The following DGKH variants were observed in gnomAD, a reference collection of about 807,000 sequenced individuals.
DGKH encodes the protein diacylglycerol kinase eta, also known as DAG kinase eta.
DGKH carries 90 observed loss-of-function variants against 159.3 expected under a neutral mutation model. The observed-to-expected ratio is 0.57, with a 90% CI of 0.48 to 0.67. DGKH has a LOEUF of 0.67. DGKH is among the 30% of genes least tolerant of loss of function. The pLI, the probability that DGKH is intolerant of heterozygous loss-of-function variation, is 0.00. For synonymous variants in DGKH, 536 were observed against 553.8 expected, an observed-to-expected ratio of 0.97 and a Z score of 0.45; for missense variants, 1,181 against 1,506.1, an observed-to-expected ratio of 0.78 and a Z score of 3.57.
At chr13:42,169,978 A>G (rs577976590) in intron 11 of DGKH, among the ~76,000 whole-genome samples, 20 of 152,346 alleles carry the variant, frequency 1.3e-4, no homozygotes, top group African/African-American at 3.8e-4. Context: ...TGTTGTATAT[A>G]TATCCAAACA....
chr13:42,079,922 T>C lies in DGKH; in HGVS notation c.192+30957T>C, dbSNP rs199554019. ...TTCTTTGAGGTTTGAAAATGTCTGC[T>C]TGTTGTTTTTAATACACAAATAACT... On this transcript the variant is annotated intron_variant, in intron 1 of 29. Transcript: ENST00000337343. 9.1e-4 allele frequency among the ~76,000 whole-genome samples: 138 copies of C among 152,322 alleles called. No individual in the cohort carries two copies. The Middle Eastern group carries it at 0.01, about 11-fold the overall frequency.
chr13:42,142,512 T>G (rs1404508589), intron 3 of DGKH, among the ~76,000 whole-genome samples: 2 of 151,806 alleles, frequency 1.3e-5, no homozygotes, highest in African/African-American at 4.8e-5. Flanking sequence ...ATGATATTGA[T>G]TCTTCCTACC....
chr13:42,179,303 C>T (rs191332653), intron 13 of DGKH, among the ~76,000 whole-genome samples: 49 of 152,304 alleles, frequency 3.2e-4, no homozygotes, highest in Admixed American at 3.1e-3. Flanking sequence ...TCCTTACAAT[C>T]ATGCAACTAA....
intron 3 of DGKH, among the ~76,000 whole-genome samples, chr13:42,137,225 G>A (rs755295588): frequency 9.9e-5 from 15 of 152,100 alleles, no homozygotes; most frequent in Non-Finnish European, 1.9e-4. Context: ...ATAACTAAAA[G>A]CTACTTTCTT....
intron 3 of DGKH, among the ~76,000 whole-genome samples, chr13:42,136,354 T>C (rs752637289): frequency 6.6e-6 from 1 of 150,796 alleles, no homozygotes; most frequent in Non-Finnish European, 1.5e-5. Context: ...TTAATAACTA[T>C]GACTGGGAAT....
intron 1 of DGKH, among the ~76,000 whole-genome samples, chr13:42,119,142 C>G (rs1402404577): frequency 6.6e-6 from 1 of 152,176 alleles, no homozygotes; most frequent in African/African-American, 2.4e-5. Context: ...TACGGTGATG[C>G]AGCTCATCAT....
At chr13:42,244,327 T>A (rs762016514), downstream of DGKH, among the ~76,000 whole-genome samples, 1 of 152,154 alleles carries the variant, frequency 6.6e-6, no homozygotes, top group Non-Finnish European at 1.5e-5. Context: ...GGGGGCGCTC[T>A]CCCGATGGTG....
intron 1 of DGKH, among the ~76,000 whole-genome samples, chr13:42,108,675 G>A (rs533929389): frequency 6.6e-6 from 1 of 152,288 alleles, no homozygotes; most frequent in East Asian, 1.9e-4. Context: ...GAGTGAAAAT[G>A]AGAATAAATA....
chr13:42,244,402 G>A (rs1009415638), downstream of DGKH, among the ~76,000 whole-genome samples: 88 of 152,214 alleles, frequency 5.8e-4, no homozygotes, highest in African/African-American at 2.0e-3. Flanking sequence ...GCCAGGGTGA[G>A]AACCAGTGCC....
intron 16 of DGKH, among the ~76,000 whole-genome samples, chr13:42,194,018 G>A (rs1431843357): frequency 1.3e-5 from 2 of 152,150 alleles, no homozygotes; most frequent in South Asian, 2.1e-4. Flanking sequence ...TTTTTTAAAT[G>A]TATTGAGCTT....
chr13:42,129,686 T>C, intron 3 of DGKH, 54 bp downstream of exon 3: 2 of 1,510,858 alleles, frequency 1.3e-6, no homozygotes, highest in Non-Finnish European at 9.1e-7. Flanking sequence ...TGACCTTTCT[T>C]AAGCGTGTAC....
intron 1 of DGKH, among the ~76,000 whole-genome samples, chr13:42,119,773 A>G (rs1312299990): frequency 6.6e-6 from 1 of 152,172 alleles, no homozygotes; most frequent in East Asian, 1.9e-4. Context: ...TTGTTTTGCC[A>G]TGTAATCTGT....
chr13:42,212,511 A>G (rs1957680632), intron 24 of DGKH, among the ~76,000 whole-genome samples: 1 of 152,182 alleles, frequency 6.6e-6, no homozygotes, highest in Admixed American at 6.5e-5. Context: ...TTGAAACCAA[A>G]ATATACTTCC....
intron 29 of DGKH, among the ~76,000 whole-genome samples, chr13:42,226,004 G>C (rs1001204889): frequency 6.6e-6 from 1 of 151,876 alleles, no homozygotes; most frequent in East Asian, 1.9e-4. Context: ...TAATCAGAGC[G>C]AACAGACAAC....
chr13:42,047,442 T>A (rs1880867192), upstream of DGKH, among the ~76,000 whole-genome samples: 1 of 152,244 alleles, frequency 6.6e-6, no homozygotes, highest in Non-Finnish European at 1.5e-5. Flanking sequence ...GAATGCTTTC[T>A]CCAGGTGGAG....
Position 42,194,926 on chromosome 13 carries a change from G to A in DGKH, c.2077G>A (p.Gly693Ser). ...PRSPDARASY[G>S]HSQTDSVPGP... ...GTCTCCAGATGCCCGGGCAAGTTAT[G>A]GCCATTCCCAAACTGATTCTGTCCC... Residue 693 changes from glycine to serine, a missense_variant, in exon 17 of 30, where the codon GGC becomes AGC. Physicochemically the swap from Gly to Ser is moderately conservative, Grantham distance 56. Around this residue, in one of 5 missense-constraint regions of DGKH, gnomAD observed 257 missense variants for 281.5 expected, o/e 0.91. Coordinates refer to ENST00000337343, the MANE Select transcript of DGKH (RefSeq NM_178009.5). 3 of 1,613,946 alleles carry A rather than the reference G, an allele frequency of 1.9e-6. No homozygotes were observed. The highest frequency in any genetic ancestry group is 2.5e-6 in the Non-Finnish European group (3 of 1,179,918).
intron 1 of DGKH, among the ~76,000 whole-genome samples, chr13:42,055,835 CTA>C (rs1881716936): frequency 6.6e-6 from 1 of 152,196 alleles, no homozygotes; most frequent in Non-Finnish European, 1.5e-5. Context: ...GTATTTTACT[CTA>C]TGACTATTTA....
chr13:42,082,187 G>A (rs75084992), intron 1 of DGKH, among the ~76,000 whole-genome samples: 288 of 151,876 alleles, frequency 1.9e-3, no homozygotes, highest in Middle Eastern at 6.8e-3. Context: ...CTCATGAGGA[G>A]ACCTGCATTA....
intron 1 of DGKH, among the ~76,000 whole-genome samples, chr13:42,051,141 C>T (rs1881262845): frequency 6.6e-6 from 1 of 152,202 alleles, no homozygotes; most frequent in Non-Finnish European, 1.5e-5. Context: ...TTCTATCTGA[C>T]TTTCTAATAA....
Sources: gnomAD v4.1 joint callset for allele counts (sites outside exome capture counted in the v4.1 genomes callset) on GRCh38, gnomAD v4.1.1 for gene constraint, gnomAD v4.1.1 regional missense constraint, MANE v1.5 for transcripts, NCBI Gene and HGNC (gene_info 2026-07-23, HGNC 2026-07-21) for gene names.